OR7E24: variants seen among roughly 807,000 people sequenced by gnomAD.
OR7E24 encodes olfactory receptor 7E24.
For synonymous variants in OR7E24, 130 were observed against 157.5 expected (o/e 0.83, Z 1.31); for missense variants, 385 against 410.3 (o/e 0.94, Z 0.53).
rs144210895 is a variant in OR7E24 at position 9,251,210 on chromosome 19, C to T, written c.167C>T (p.Thr56Met). 6.8e-5 allele frequency: 109 copies of T among 1,613,958 alleles called. 1 individual carries two copies. The East Asian group carries it at 1.4e-3, about 21-fold the overall frequency. ...AGLFLSMYLV[T>M]VLGNLLIILA... is the part of the protein sequence containing the mutation. ...CTGTTCCTGTCCATGTACCTGGTCA[C>T]GGTGCTGGGGAACCTGCTCATCATC... Residue 56 changes from threonine (T) to methionine (M), a missense_variant, in exon 1 of 1, where the codon ACG becomes ATG. Transcript: ENST00000456448.
the OR7E24 span, chr19:9,210,680 G>A: frequency 8.4e-6 from 1 of 119,086 alleles, no homozygotes; most frequent in Non-Finnish European, 1.6e-5. Flanking sequence ...AATTTACTAG[G>A]TGATCTCACA....
chr19:9,218,516 A>C, the OR7E24 span, among the ~76,000 whole-genome samples: 31 of 152,342 alleles, frequency 2.0e-4, 3 homozygotes, highest in African/African-American at 7.2e-4. Context: ...GGTTGTTTTA[A>C]TACCACAGGC....
chr19:9,244,565 G>A (rs541377126), upstream of OR7E24, among the ~76,000 whole-genome samples: 1 of 152,230 alleles, frequency 6.6e-6, no homozygotes, highest in South Asian at 2.1e-4. Flanking sequence ...TGGATCAAAG[G>A]CCTAAACCTA....
chr19:9,220,328 T>C, the OR7E24 span, among the ~76,000 whole-genome samples: 1 of 152,214 alleles, frequency 6.6e-6, no homozygotes, highest in African/African-American at 2.4e-5. Context: ...TTTACTAACA[T>C]CTCCACAACA....
the OR7E24 span, chr19:9,212,088 ATATATT>A: frequency 1.3e-5 from 2 of 152,122 alleles, no homozygotes; most frequent in African/African-American, 4.8e-5. Flanking sequence ...TAGTAGCTGT[ATATATT>A]TATGGGGTAG....
rs768579740 is a variant in OR7E24, at chr19:9,251,084, G to T, written c.41G>T (p.Arg14Met). 10 of 1,606,066 alleles carry T rather than the reference G, an allele frequency of 6.2e-6. No individual in the cohort carries two copies. Among genetic ancestry groups the T allele is most frequent in the South Asian group, 3.3e-5 (3 of 89,806 alleles). Residue 14 changes from arginine (R) to methionine (M), a missense_variant, in exon 1 of 1, where the codon AGG (arginine) becomes ATG (methionine). Physicochemically the swap from Arg to Met is moderately conservative, Grantham distance 91. Transcript: ENST00000456448. ...FPILFFFFLK[R>M]CPSYTEPQNL... Reference sequence around the variant, plus strand: ...ATTCTCTTTTTTTTTTTCCTCAAAAGGTGTCCGAGCTACACAGAGCCACAG... The same window carrying T: ...ATTCTCTTTTTTTTTTTCCTCAAAATGTGTCCGAGCTACACAGAGCCACAG...
upstream of OR7E24, among the ~76,000 whole-genome samples, chr19:9,249,374 A>G (rs2066138924): frequency 6.6e-6 from 1 of 152,180 alleles, no homozygotes; most frequent in Non-Finnish European, 1.5e-5. Flanking sequence ...TGTGACTTCA[A>G]CACACTCACT....
At chr19:9,232,570 T>G in the OR7E24 span, among the ~76,000 whole-genome samples, 3 of 146,568 alleles carry the variant, frequency 2.0e-5, no homozygotes, top group Admixed American at 6.8e-5. Flanking sequence ...AGATTCTTCG[T>G]GCACTTTGTA....
At chr19:9,220,335 A>G in the OR7E24 span, among the ~76,000 whole-genome samples, 2 of 152,232 alleles carry the variant, frequency 1.3e-5, no homozygotes, top group South Asian at 4.2e-4. Context: ...ACATCTCCAC[A>G]ACACCAACAC....
chr19:9,206,913 C>G, the OR7E24 span: 3 of 152,170 alleles, frequency 2.0e-5, no homozygotes, highest in Non-Finnish European at 4.4e-5. Context: ...TGGCTGGGCT[C>G]TCTTACCCAG....
chr19:9,225,030 A>G, the OR7E24 span, among the ~76,000 whole-genome samples: 1 of 152,160 alleles, frequency 6.6e-6, no homozygotes. Flanking sequence ...TTAGGGATGA[A>G]GGTCAAGGTC....
the OR7E24 span, among the ~76,000 whole-genome samples, chr19:9,216,042 C>T: frequency 6.6e-6 from 1 of 152,134 alleles, no homozygotes; most frequent in Non-Finnish European, 1.5e-5. Flanking sequence ...AAAGCTTGTG[C>T]AAGGAAACTC....
At chr19:9,220,263 T>TG in the OR7E24 span, among the ~76,000 whole-genome samples, 2 of 152,208 alleles carry the variant, frequency 1.3e-5, no homozygotes, top group Non-Finnish European at 2.9e-5. Context: ...GTCATCCTGC[T>TG]GTACAATAGA....
chr19:9,208,487 A>T, the OR7E24 span: 2 of 152,198 alleles, frequency 1.3e-5, no homozygotes, highest in Admixed American at 1.3e-4. Flanking sequence ...TTTAAGTGGC[A>T]GTGCCCTATT....
the OR7E24 span, among the ~76,000 whole-genome samples, chr19:9,231,398 G>A: frequency 1.3e-5 from 2 of 151,984 alleles, no homozygotes; most frequent in African/African-American, 4.8e-5. Context: ...TGGCCGACAT[G>A]GTGAAACCCC....
chr19:9,213,992 GGTGACCATGGC>G, the OR7E24 span: 2 of 1,614,126 alleles, frequency 1.2e-6, no homozygotes, highest in Non-Finnish European at 1.7e-6. Flanking sequence ...TCAGCATGGG[GGTGACCATGGC>G]GTACATCACT....
chr19:9,228,782 G>T, the OR7E24 span, among the ~76,000 whole-genome samples: 2 of 152,256 alleles, frequency 1.3e-5, no homozygotes, highest in African/African-American at 2.4e-5. Context: ...GGGAGATGCT[G>T]GTTAAACCAC....
chr19:9,222,838 T>A, the OR7E24 span, among the ~76,000 whole-genome samples: 1 of 152,200 alleles, frequency 6.6e-6, no homozygotes, highest in Non-Finnish European at 1.5e-5. Flanking sequence ...ACTACTATAT[T>A]GAGTAGAAGT....
chr19:9,221,424 C>T, the OR7E24 span, among the ~76,000 whole-genome samples: 1 of 127,964 alleles, frequency 7.8e-6, no homozygotes, highest in Non-Finnish European at 1.6e-5. Flanking sequence ...GATCTCCGCT[C>T]GCTGCAAGCT....
Sources: allele counts gnomAD v4.1 joint callset (sites outside exome capture counted in the v4.1 genomes callset), GRCh38; gene constraint gnomAD v4.1.1; transcripts MANE v1.5; gene names NCBI Gene and HGNC (gene_info 2026-07-23, HGNC 2026-07-21).